Variants in ZNF608 observed in about 807,000 individuals in gnomAD.
ZNF608 encodes the protein zinc finger protein 608.
A neutral mutation model predicts 109.0 loss-of-function variants in ZNF608; 12 were observed. That is an observed-to-expected ratio of 0.11 (90% CI 0.07 to 0.18). The LOEUF is 0.18. Among genes scored for constraint, ZNF608 ranks in the 10% least tolerant of loss-of-function variants. The probability of loss-of-function intolerance (pLI) is 1.00; values close to 1 mark genes in which losing one functional copy is unlikely to be tolerated. For synonymous variants in ZNF608, 732 were observed against 717.4 expected, an observed-to-expected ratio of 1.02 and a Z score of -0.33; for missense variants, 1,707 against 1,879.3, an observed-to-expected ratio of 0.91 and a Z score of 1.70.
At chr5:124,739,106 A>G (rs1178873497) in intron 2 of ZNF608, among the ~76,000 whole-genome samples, 1 of 152,166 alleles carries the variant, frequency 6.6e-6, no homozygotes, top group East Asian at 1.9e-4. Context: ...TCAGAACCCA[A>G]GCAGATCCTC....
intron 3 of ZNF608, among the ~76,000 whole-genome samples, chr5:124,658,972 G>A (rs1482930889): frequency 2.6e-5 from 4 of 151,936 alleles, no homozygotes; most frequent in South Asian, 2.1e-4. Context: ...TTTAGAAGAC[G>A]GCTATTACAA....
intron 2 of ZNF608, among the ~76,000 whole-genome samples, chr5:124,718,325 A>T (rs140747155): frequency 6.7e-4 from 102 of 152,396 alleles, no homozygotes; most frequent in African/African-American, 2.3e-3. Context: ...TGTCAAACAG[A>T]AATGAAAAAT....
intron 3 of ZNF608, among the ~76,000 whole-genome samples, chr5:124,690,733 G>C: frequency 6.6e-6 from 1 of 151,604 alleles, no homozygotes; most frequent in East Asian, 1.9e-4. Context: ...CTGAACTAAA[G>C]ACACTAAGAC....
chr5:124,744,056 G>C lies in ZNF608; in HGVS notation c.906+28C>G. 1 of 1,555,998 alleles carries C rather than the reference G, an allele frequency of 6.4e-7. No homozygotes were observed. Among genetic ancestry groups the C allele is most frequent in the East Asian group, 2.3e-5 (1 of 44,346 alleles). ...CACAAATGCACACAGAGGAGAGTAG[G>C]ACATCTAGGAAGGCGACTTTATCCT... On this transcript the variant is annotated intron_variant, in intron 2 of 9. Coordinates refer to ENST00000513986, the MANE Select transcript of ZNF608 (RefSeq NM_020747.3). The surrounding 1 kb of genome is among the most constrained non-coding windows in gnomAD (Gnocchi z 4.5).
intron 3 of ZNF608, among the ~76,000 whole-genome samples, chr5:124,699,280 A>G (rs946071125): frequency 6.6e-6 from 1 of 152,220 alleles, no homozygotes; most frequent in Non-Finnish European, 1.5e-5. Flanking sequence ...AGAGAATAAC[A>G]TGATAGAAGC....
At chr5:124,700,468 G>A (rs867334425) in intron 3 of ZNF608, among the ~76,000 whole-genome samples, 146 of 152,322 alleles carry the variant, frequency 9.6e-4, no homozygotes, top group African/African-American at 3.3e-3. Context: ...AAGGTTTTAC[G>A]TCTCTGGCCA....
chr5:124,709,180 A>AAAAAAAAAAAT (rs2149862735), intron 2 of ZNF608, among the ~76,000 whole-genome samples: 1 of 148,198 alleles, frequency 6.7e-6, no homozygotes, highest in Non-Finnish European at 1.5e-5. Context: ...CAAAAAAAAA[A>AAAAAAAAAAAT]AAAAAAAAAA....
rs1753228428 is a variant in ZNF608, at chr5:124,705,607, A to G, written c.907-4338T>C. 2.0e-5 allele frequency among the ~76,000 whole-genome samples: 3 copies of G among 152,194 alleles called. No homozygotes were observed. The South Asian group carries it at 6.2e-4, about 32-fold the overall frequency. Reference sequence around the variant, plus strand: ...ATCCTACTATATTTAACATAAATCTATAATCCCCTCCAAATGCATGGTTAA... The same window carrying G: ...ATCCTACTATATTTAACATAAATCTGTAATCCCCTCCAAATGCATGGTTAA... On this transcript the variant is annotated intron_variant, in intron 2 of 9. Transcript: ENST00000513986.
intron 3 of ZNF608, among the ~76,000 whole-genome samples, chr5:124,665,287 G>T (rs1200485291): frequency 1.3e-5 from 2 of 152,050 alleles, no homozygotes; most frequent in Non-Finnish European, 2.9e-5. Flanking sequence ...ACAAATCAGG[G>T]CTCTCTCCCT....
intron 8 of ZNF608, 27 bp from the exon 9 acceptor site, chr5:124,639,241 T>C (rs746219006): frequency 4.4e-6 from 7 of 1,607,602 alleles, no homozygotes; most frequent in African/African-American, 1.3e-5. Context: ...GTAGAGTGTC[T>C]GTGATCTTTA....
At chr5:124,680,699 A>G in intron 3 of ZNF608, among the ~76,000 whole-genome samples, 1 of 152,218 alleles carries the variant, frequency 6.6e-6, no homozygotes, top group Non-Finnish European at 1.5e-5. Flanking sequence ...CACACACATA[A>G]ACAAAAAAGA....
chr5:124,739,359 T>C (rs1193380439), intron 2 of ZNF608, among the ~76,000 whole-genome samples: 1 of 152,202 alleles, frequency 6.6e-6, no homozygotes, highest in Non-Finnish European at 1.5e-5. Context: ...CAATCCTAGA[T>C]TACAGCTCTG....
intron 3 of ZNF608, among the ~76,000 whole-genome samples, chr5:124,665,180 C>CCA (rs1425042134): frequency 4.4e-5 from 6 of 135,590 alleles, no homozygotes; most frequent in African/African-American, 1.1e-4. Context: ...CACCTCCCCC[C>CCA]AAAAAAAAAA....
chr5:124,664,456 A>G (rs1437534741), intron 3 of ZNF608, among the ~76,000 whole-genome samples: 3 of 152,220 alleles, frequency 2.0e-5, no homozygotes, highest in African/African-American at 7.2e-5. Context: ...CATTTTTGTT[A>G]TTGTCCCCAG....
chr5:124,697,923 G>A (rs367620658), intron 3 of ZNF608, among the ~76,000 whole-genome samples: 4 of 152,006 alleles, frequency 2.6e-5, no homozygotes, highest in Non-Finnish European at 4.4e-5. Flanking sequence ...ACATATGAAC[G>A]CACGTAACAA....
intron 2 of ZNF608, among the ~76,000 whole-genome samples, chr5:124,713,700 A>AT (rs1378478029): frequency 6.6e-6 from 1 of 152,154 alleles, no homozygotes; most frequent in Non-Finnish European, 1.5e-5. Flanking sequence ...TACAGAAAAA[A>AT]TTTGCCAATC....
chr5:124,658,926 ACC>A (rs1751128530), intron 3 of ZNF608, among the ~76,000 whole-genome samples: 1 of 152,154 alleles, frequency 6.6e-6, no homozygotes. Context: ...TTGTGGTATT[ACC>A]TCCTAATGGT....
chr5:124,744,764 T>A lies in ZNF608; in HGVS notation c.226A>T (p.Thr76Ser), dbSNP rs773021875. Reference protein sequence around the residue: ...GGPASSGAGATAALADGLKFA... With the variant: ...GGPASSGAGASAALADGLKFA... ...TTTAGGCCATCAGCTAAGGCTGCGG[T>A]AGCACCAGCCCCACTGGAGGCCGGA... The change falls in exon 2 of 10, where the codon ACC (threonine) becomes TCC (serine). Residue 76 changes from threonine (T) to serine (S), a missense_variant. Around this residue, in one of 7 missense-constraint regions of ZNF608, gnomAD observed 407 missense variants for 398.7 expected, o/e 1.02. Coordinates refer to ENST00000513986, the MANE Select transcript of ZNF608 (RefSeq NM_020747.3). This position sits in a 1 kb window ranked among gnomAD's most constrained non-coding sequence, Gnocchi z 4.5. 2 of 1,614,206 alleles carry A rather than the reference T, an allele frequency of 1.2e-6. No individual in the cohort carries two copies. Among genetic ancestry groups the A allele is most frequent in the Non-Finnish European group, 1.7e-6 (2 of 1,180,032 alleles).
chr5:124,720,073 T>G (rs1753846490), intron 2 of ZNF608, among the ~76,000 whole-genome samples: 2 of 152,212 alleles, frequency 1.3e-5, no homozygotes, highest in Non-Finnish European at 2.9e-5. Flanking sequence ...AAACATAATT[T>G]AAGGTGCTAC....
Sources: allele counts gnomAD v4.1 joint callset (sites outside exome capture counted in the v4.1 genomes callset), GRCh38; gene constraint gnomAD v4.1.1; regional missense constraint gnomAD v4.1.1; non-coding constraint Gnocchi (gnomAD v3.1); transcripts MANE v1.5; gene names NCBI Gene and HGNC (gene_info 2026-07-23, HGNC 2026-07-21).